The following PLPPR4 variants were observed in gnomAD, a reference collection of about 807,000 sequenced individuals.
PLPPR4 encodes phospholipid phosphatase-related protein type 4.
PLPPR4 carries 24 observed loss-of-function variants against 56.6 expected under a neutral mutation model. The observed-to-expected ratio is 0.42, with a 90% confidence interval of 0.31 to 0.60. The LOEUF (loss-of-function observed/expected upper bound fraction) is 0.60. PLPPR4 is among the 20% of genes least tolerant of loss of function. The pLI, the probability that PLPPR4 is intolerant of heterozygous loss-of-function variation, is 0.13. For synonymous variants in PLPPR4, 326 were observed against 328.1 expected, an observed-to-expected ratio of 0.99 and a Z score of 0.07; for missense variants, 654 against 885.8, an observed-to-expected ratio of 0.74 and a Z score of 3.32.
chr1:99,278,364 G>A lies in PLPPR4; in HGVS notation c.79-9601G>A, dbSNP rs537669773. 3.9e-5 allele frequency among the ~76,000 whole-genome samples: 6 copies of A among 152,082 alleles called. No individual in the cohort carries two copies. In the South Asian group the frequency reaches 8.3e-4, roughly 21 times the overall value. ...GTAATAATAGTATCTTCATCAAAAA[G>A]GTGTTGTGAAGATTGCATGAATTCA... On this transcript the variant is annotated intron_variant, in intron 1 of 6. Coordinates refer to ENST00000370185, the MANE Select transcript of PLPPR4 (RefSeq NM_014839.5).
At chr1:99,293,840 C>T (rs1659678664) in intron 2 of PLPPR4, among the ~76,000 whole-genome samples, 1 of 152,076 alleles carries the variant, frequency 6.6e-6, no homozygotes, top group South Asian at 2.1e-4. Context: ...TGTTCCATGG[C>T]TAGGGTCCTT....
At chr1:99,278,270 C>A (rs566857796) in intron 1 of PLPPR4, among the ~76,000 whole-genome samples, 58 of 152,136 alleles carry the variant, frequency 3.8e-4, no homozygotes, top group African/African-American at 1.3e-3. Context: ...ATCATGGAAT[C>A]TTACTGTATA....
At position 99,300,966 on chromosome 1, in the gene PLPPR4, G is replaced by A. The variant is rs145222822; in HGVS notation, c.648G>A (p.Ser216=). Residue 216 remains serine (S), a splice_region_variant and synonymous_variant, in exon 5 of 7, where the codon TCG becomes TCA. Coordinates refer to ENST00000370185, the MANE Select transcript of PLPPR4 (RefSeq NM_014839.5). ...CTGCCTTTGCAGCTGTGTATGTTTCGGTAAGTAACTGGTTCTTTTTTGTTA... is the reference window on the plus strand; with the variant it reads ...CTGCCTTTGCAGCTGTGTATGTTTCAGTAAGTAACTGGTTCTTTTTTGTTA... ...TLAAFAAVYV[S]MYFNSTLTDS... The A allele has an allele frequency of 7.9e-5, 127 of 1,611,408 alleles. No homozygotes were observed. Among genetic ancestry groups the A allele is most frequent in the African/African-American group, 3.5e-4 (26 of 74,916 alleles).
chr1:99,270,344 T>C (rs1659025101), intron 1 of PLPPR4, among the ~76,000 whole-genome samples: 2 of 152,162 alleles, frequency 1.3e-5, no homozygotes, highest in African/African-American at 4.8e-5. Context: ...AAGTTTTCAT[T>C]ACTTTGAATG....
intron 1 of PLPPR4, among the ~76,000 whole-genome samples, chr1:99,281,286 C>T (rs916153923): frequency 7.9e-5 from 12 of 152,270 alleles, no homozygotes; most frequent in African/African-American, 2.9e-4. Context: ...CACTGGTTTC[C>T]CTCAATCACA....
intron 4 of PLPPR4, among the ~76,000 whole-genome samples, chr1:99,299,518 AC>A (rs1429548333): frequency 3.3e-5 from 5 of 152,044 alleles, no homozygotes; most frequent in African/African-American, 1.2e-4. Flanking sequence ...GTTTTAGGTT[AC>A]TATAAATGGT....
intron 1 of PLPPR4, 82 bp from the exon 2 acceptor site, chr1:99,287,883 A>T: frequency 1.0e-6 from 1 of 989,794 alleles, no homozygotes; most frequent in Non-Finnish European, 1.5e-6. Context: ...GTAGCGAGAG[A>T]AGGAGAGAAA....
chr1:99,306,841 T>G lies in PLPPR4; in HGVS notation c.1979T>G (p.Val660Gly). The change falls in exon 7 of 7, where the codon GTA (valine) becomes GGA (glycine). Residue 660 changes from valine to glycine, a missense_variant. Val to Gly is a moderately radical substitution (Grantham distance 109). Coordinates refer to ENST00000370185, the MANE Select transcript of PLPPR4 (RefSeq NM_014839.5). The surrounding 1 kb of genome is among the most constrained non-coding windows in gnomAD (Gnocchi z 4.0). ...ATTACCACCATCCGCGTCACCCCAG[T>G]AGAGGGCAGCGAAATTGGCTCAGAG... ...HGITTIRVTPVEGSEIGSETL... is the reference protein window; with the variant it reads ...HGITTIRVTPGEGSEIGSETL... The G allele has an allele frequency of 1.9e-6, 3 of 1,614,046 alleles. 1 individual carries two copies. The South Asian group carries it at 3.3e-5, about 18-fold the overall frequency.
intron 1 of PLPPR4, among the ~76,000 whole-genome samples, chr1:99,268,915 A>C (rs1658977944): frequency 6.6e-6 from 1 of 152,202 alleles, no homozygotes; most frequent in South Asian, 2.1e-4. Context: ...AGTTAACAAA[A>C]GAGTATTCAA....
chr1:99,290,473 C>A (rs1659587743), intron 2 of PLPPR4, among the ~76,000 whole-genome samples: 1 of 151,944 alleles, frequency 6.6e-6, no homozygotes, highest in Non-Finnish European at 1.5e-5. Flanking sequence ...AAAAAAGACC[C>A]CAAAGAGCCA....
At chr1:99,287,431 G>A (rs1221451954) in intron 1 of PLPPR4, among the ~76,000 whole-genome samples, 1 of 152,102 alleles carries the variant, frequency 6.6e-6, no homozygotes, top group Non-Finnish European at 1.5e-5. Flanking sequence ...TGGGTCAAAT[G>A]GTATTTCTGG....
intron 2 of PLPPR4, among the ~76,000 whole-genome samples, chr1:99,290,695 G>A (rs1177787397): frequency 6.6e-6 from 1 of 152,056 alleles, no homozygotes; most frequent in Non-Finnish European, 1.5e-5. Context: ...AATAGGGAAA[G>A]GATTCCCTAT....
intron 1 of PLPPR4, among the ~76,000 whole-genome samples, chr1:99,265,382 A>G (rs762963977): frequency 6.2e-4 from 95 of 152,312 alleles, no homozygotes; most frequent in Non-Finnish European, 1.0e-3. Flanking sequence ...ATTATAGATA[A>G]ACAATTAAAT....
chr1:99,279,007 A>T (rs1265975637), intron 1 of PLPPR4, among the ~76,000 whole-genome samples: 1 of 152,226 alleles, frequency 6.6e-6, no homozygotes, highest in Non-Finnish European at 1.5e-5. Flanking sequence ...GTGGTAGAAT[A>T]AATGAAGATC....
At chr1:99,297,015 A>C in intron 3 of PLPPR4, 148 bp downstream of exon 3, 1 of 862,422 alleles carries the variant, frequency 1.2e-6, no homozygotes, top group Non-Finnish European at 1.5e-6. Context: ...AGAAACTGTT[A>C]AAACACCAAA....
chr1:99,305,631 C>A (rs1660002220), intron 6 of PLPPR4, 54 bp from the exon 7 acceptor site: 1 of 1,559,042 alleles, frequency 6.4e-7, no homozygotes, highest in Non-Finnish European at 8.7e-7. Flanking sequence ...TCTAAGGAAA[C>A]CCTAGTGACT....
chr1:99,268,763 C>G (rs986310851), intron 1 of PLPPR4, among the ~76,000 whole-genome samples: 1 of 152,122 alleles, frequency 6.6e-6, no homozygotes, highest in African/African-American at 2.4e-5. Context: ...CATACCCACA[C>G]CTTATTAGGA....
rs1659059808 is a variant in PLPPR4, at chr1:99,271,540, T to C, written c.78+6869T>C. On this transcript the variant is annotated intron_variant, in intron 1 of 6. Transcript: ENST00000370185. ...TGTCTGTTTGTGGCTCTGTCAGAGT[T>C]CTGGAACAGAGTTTTTCTCTACATT... is the stretch of plus-strand genomic sequence containing the variant. Among the ~76,000 whole-genome samples the C allele has an allele frequency of 2.6e-5, 4 of 152,218 alleles. No individual in the cohort carries two copies. In the South Asian group the frequency reaches 8.3e-4, roughly 32 times the overall value.
rs1419406552 is a variant in PLPPR4, at chr1:99,307,048, A to T, written c.*38A>T. The stretch of plus-strand genomic sequence containing the variant: ...CCATCATTAGGGCTACTCGCAAAAG[A>T]CCATATGTTGATTCTACCTGTGTTC... On this transcript the variant is annotated 3_prime_UTR_variant, in exon 7 of 7. Coordinates refer to ENST00000370185, the MANE Select transcript of PLPPR4 (RefSeq NM_014839.5). The T allele has an allele frequency of 6.5e-7, 1 of 1,540,796 alleles. No homozygotes were observed. The highest frequency in any genetic ancestry group is 1.4e-5 in the African/African-American group (1 of 73,056).
Sources: gnomAD v4.1 joint callset for allele counts (sites outside exome capture counted in the v4.1 genomes callset) on GRCh38, gnomAD v4.1.1 for gene constraint, Gnocchi (gnomAD v3.1) non-coding constraint, MANE v1.5 for transcripts, NCBI Gene and HGNC (gene_info 2026-07-23, HGNC 2026-07-21) for gene names.